SLC14A2: variants seen among roughly 807,000 people sequenced by gnomAD.
The protein encoded by SLC14A2 is solute carrier family 14 member 2, also known as urea transporter 2.
In SLC14A2, 91 loss-of-function variants were observed where a neutral mutation model predicts 104.6. The observed-to-expected ratio is 0.87, with a 90% CI of 0.73 to 1.04. The LOEUF (loss-of-function observed/expected upper bound fraction) is 1.04, where lower values mean the gene tolerates loss of function less well. Among genes scored for constraint, SLC14A2 ranks in the 50% least tolerant of loss-of-function variants. The pLI is 0.00. For missense variants in SLC14A2, 1,189 were observed against 1,156.0 expected, an observed-to-expected ratio of 1.03 and a Z score of -0.41; for synonymous variants, 476 against 466.4, an observed-to-expected ratio of 1.02 and a Z score of -0.27.
chr18:45,325,872 A>G (rs2085229347), intron 1 of SLC14A2, among the ~76,000 whole-genome samples: 2 of 152,160 alleles, frequency 1.3e-5, no homozygotes, highest in South Asian at 2.1e-4. Context: ...GCACCCTCCA[A>G]AATACACATA....
chr18:45,245,450 T>C (rs1478482587), intron 1 of SLC14A2, among the ~76,000 whole-genome samples: 1 of 152,198 alleles, frequency 6.6e-6, no homozygotes, highest in Non-Finnish European at 1.5e-5. Context: ...CCCATAATTA[T>C]CTGATCTCTT....
intron 2 of SLC14A2, among the ~76,000 whole-genome samples, chr18:45,566,513 TCGCACACACA>T (rs1270956330): frequency 1.0e-4 from 5 of 49,480 alleles, no homozygotes; most frequent in Admixed American, 2.1e-4. Context: ...GCGCTCACGC[TCGCACACACA>T]CACACACACA....
At chr18:45,345,063 A>G (rs2085434069) in intron 1 of SLC14A2, among the ~76,000 whole-genome samples, 1 of 152,102 alleles carries the variant, frequency 6.6e-6, no homozygotes, top group South Asian at 2.1e-4. Context: ...ACAGTGTGTA[A>G]TGGAGTTTCA....
At chr18:45,492,555 C>T (rs1447837684) in intron 2 of SLC14A2, among the ~76,000 whole-genome samples, 1 of 152,180 alleles carries the variant, frequency 6.6e-6, no homozygotes, top group East Asian at 1.9e-4. Context: ...CCAATCACTT[C>T]CCTCAGTCCA....
Position 45,567,698 on chromosome 18 carries a change from G to A in SLC14A2, c.-34-56933G>A, listed in dbSNP as rs73955863. ...GTCAAGCAAGCCGCCCACCTCTCTC[G>A]GCCTCTACCTTTCCACCTCTCTCGG... On this transcript the variant is annotated intron_variant, in intron 2 of 20. Transcript: ENST00000586448. Among the ~76,000 whole-genome samples the A allele has an allele frequency of 9.9e-3, 1,499 of 151,664 alleles. 23 individuals are homozygous for A. The highest frequency in any genetic ancestry group is 0.034 in the African/African-American group (1,409 of 41,210).
At chr18:45,435,248 T>A (rs1412825829) in intron 1 of SLC14A2, 1 of 152,188 alleles carries the variant, frequency 6.6e-6, no homozygotes, top group African/African-American at 2.4e-5. Flanking sequence ...TGAAGCTGAT[T>A]CTTCAAAATT....
chr18:45,215,525 T>A (rs117688481), intron 1 of SLC14A2, among the ~76,000 whole-genome samples: 3 of 152,344 alleles, frequency 2.0e-5, no homozygotes, highest in Non-Finnish European at 4.4e-5. Flanking sequence ...GAATGTTGCT[T>A]CATCACATCA....
chr18:45,356,501 C>G (rs918711654), intron 1 of SLC14A2, among the ~76,000 whole-genome samples: 9 of 152,132 alleles, frequency 5.9e-5, no homozygotes, highest in Non-Finnish European at 1.5e-5. Context: ...TCAGCACAGA[C>G]AGTGACAAAT....
At chr18:45,316,831 C>G (rs1227728739) in intron 1 of SLC14A2, among the ~76,000 whole-genome samples, 1 of 152,174 alleles carries the variant, frequency 6.6e-6, no homozygotes, top group African/African-American at 2.4e-5. Context: ...GGACAGTGCT[C>G]CATGAAGGCA....
At chr18:45,192,742 C>T in the SLC14A2 span, among the ~76,000 whole-genome samples, 1 of 151,898 alleles carries the variant, frequency 6.6e-6, no homozygotes, top group African/African-American at 2.4e-5. Flanking sequence ...CTGCAACCTC[C>T]GCCTCCCAGG....
At chr18:45,206,196 C>T in the SLC14A2 span, among the ~76,000 whole-genome samples, 1 of 152,164 alleles carries the variant, frequency 6.6e-6, no homozygotes, top group East Asian at 1.9e-4. Context: ...TTGGCCTTTT[C>T]ACGTAGTGTT....
chr18:45,591,858 GCCCATTTGCC>G (rs2044651179), intron 2 of SLC14A2, among the ~76,000 whole-genome samples: 1 of 152,200 alleles, frequency 6.6e-6, no homozygotes, highest in Non-Finnish European at 1.5e-5. Context: ...GTCCAGGCTA[GCCCATTTGCC>G]ACCCATCAGT....
At chr18:45,650,440 G>T (rs2045713394) in intron 10 of SLC14A2, among the ~76,000 whole-genome samples, 1 of 152,130 alleles carries the variant, frequency 6.6e-6, no homozygotes, top group Non-Finnish European at 1.5e-5. Context: ...CCCCTGTGTA[G>T]CCTGCCCAGG....
intron 13 of SLC14A2, 72 bp from the exon 14 acceptor site, chr18:45,667,761 C>T: frequency 8.0e-7 from 1 of 1,255,174 alleles, no homozygotes; most frequent in South Asian, 1.3e-5. Context: ...GATTCCCTCA[C>T]ACCCTCCATC....
chr18:45,584,363 G>A (rs1444890308), intron 2 of SLC14A2, among the ~76,000 whole-genome samples: 1 of 152,168 alleles, frequency 6.6e-6, no homozygotes, highest in Non-Finnish European at 1.5e-5. Flanking sequence ...TGCTCCATCA[G>A]GATCCTACGC....
At chr18:45,457,874 G>C (rs566121245) in intron 1 of SLC14A2, among the ~76,000 whole-genome samples, 1 of 152,226 alleles carries the variant, frequency 6.6e-6, no homozygotes, top group Non-Finnish European at 1.5e-5. Flanking sequence ...CCCGGGGCTG[G>C]GGCGGTGGGA....
chr18:45,220,749 C>T lies in SLC14A2; in HGVS notation c.-125+7558C>T, dbSNP rs567968565. Among the ~76,000 whole-genome samples the T allele has an allele frequency of 2.6e-5, 4 of 152,336 alleles. No individual in the cohort carries two copies. The East Asian group carries it at 7.7e-4, about 29-fold the overall frequency. On this transcript the variant is annotated intron_variant, in intron 1 of 20. Coordinates refer to the SLC14A2 transcript ENST00000586448. ...TAGGATATGTATTAATTTGCTAGAG[C>T]TGCCATAACAAAGTACCATAGACTA... is the stretch of plus-strand genomic sequence containing the variant.
At chr18:45,189,217 G>C in the SLC14A2 span, among the ~76,000 whole-genome samples, 1 of 152,188 alleles carries the variant, frequency 6.6e-6, no homozygotes, top group Non-Finnish European at 1.5e-5. Flanking sequence ...CTTGAGCTTT[G>C]TAGTCAGAAG....
intron 1 of SLC14A2, among the ~76,000 whole-genome samples, chr18:45,436,346 G>C (rs1277047708): frequency 6.6e-6 from 1 of 152,146 alleles, no homozygotes; most frequent in African/African-American, 2.4e-5. Flanking sequence ...TCTGTCCTTT[G>C]ATGACCCCCA....
Sources: gnomAD v4.1 joint callset for allele counts (sites outside exome capture counted in the v4.1 genomes callset) on GRCh38, gnomAD v4.1.1 for gene constraint, MANE v1.5 for transcripts, NCBI Gene and HGNC (gene_info 2026-07-23, HGNC 2026-07-21) for gene names.